Variants in ZMYM2 observed in about 807,000 individuals in gnomAD.
The protein encoded by ZMYM2 is zinc finger MYM-type protein 2.
A neutral mutation model predicts 162.8 loss-of-function variants in ZMYM2; 56 were observed. The ratio of observed to expected loss-of-function variants is 0.34; its 90% CI spans 0.28 to 0.43. The LOEUF (loss-of-function observed/expected upper bound fraction) is 0.43, where lower values mean the gene tolerates loss of function less well. Ranked by LOEUF, ZMYM2 falls within the 20% of genes least tolerant of loss-of-function variation. ZMYM2 has a pLI of 1.00. For missense variants in ZMYM2, 1,275 were observed against 1,621.8 expected (o/e 0.79, Z 3.67); for synonymous variants, 510 against 541.6 (o/e 0.94, Z 0.81).
At chr13:19,924,016 C>T in the ZMYM2 span, among the ~76,000 whole-genome samples, 135 of 152,180 alleles carry the variant, frequency 8.9e-4, no homozygotes, top group African/African-American at 3.2e-3. Flanking sequence ...CTGTGCCCGA[C>T]CATGGGACCT....
Position 20,036,840 on chromosome 13 carries a change from A to G in ZMYM2, c.2223A>G (p.Glu741=). 1.2e-6 allele frequency: 2 copies of G among 1,610,758 alleles called. No homozygotes were observed. The highest frequency in any genetic ancestry group is 1.7e-6 in the Non-Finnish European group (2 of 1,178,418). The stretch of plus-strand genomic sequence containing the variant: ...TATGTAAGAAGGGAGCAACTAAAGA[A>G]CTCGATGGTGTTGTGAGAGATTTCT... The part of the protein sequence containing the change: ...SQLCKKGATK[E]LDGVVRDFCS... The change falls in exon 12 of 25, where the codon GAA becomes GAG. Residue 741 remains glutamate (E), a synonymous_variant. Transcript: ENST00000610343.
At chr13:19,865,128 T>A in the ZMYM2 span, 5 of 152,274 alleles carry the variant, frequency 3.3e-5, no homozygotes, top group Non-Finnish European at 7.3e-5. Context: ...AACCATCTAA[T>A]GCAGGGGTGG....
chr13:20,074,237 T>TGTGTGTGTGTGTGTGAGA (rs1491090474), intron 21 of ZMYM2, among the ~76,000 whole-genome samples: 6 of 127,464 alleles, frequency 4.7e-5, no homozygotes, highest in African/African-American at 1.6e-4. Flanking sequence ...TGTGTGTGTG[T>TGTGTGTGTGTGTGTGAGA]GAGAGAGACA....
chr13:19,885,907 A>G, the ZMYM2 span, among the ~76,000 whole-genome samples: 13,125 of 29,520 alleles, frequency 0.44, 5,527 homozygotes, highest in Non-Finnish European at 0.81. Flanking sequence ...ACACATATAT[A>G]TGTATATACA....
intron 12 of ZMYM2, among the ~76,000 whole-genome samples, chr13:20,050,677 G>A (rs1278968951): frequency 2.0e-5 from 3 of 151,974 alleles, no homozygotes; most frequent in Admixed American, 1.3e-4. Context: ...GGGAAATTAG[G>A]ATCTCTAAAA....
chr13:19,998,558 A>G (rs958668982), intron 3 of ZMYM2, among the ~76,000 whole-genome samples: 12 of 152,162 alleles, frequency 7.9e-5, no homozygotes, highest in African/African-American at 2.4e-5. Context: ...CAGTTCTTCT[A>G]GTGACTTTCT....
chr13:19,960,384 G>T (rs1955071226), intron 2 of ZMYM2, among the ~76,000 whole-genome samples: 1 of 152,318 alleles, frequency 6.6e-6, no homozygotes, highest in Non-Finnish European at 1.5e-5. Context: ...TGAATGCTGT[G>T]CATGCAACCT....
chr13:19,968,618 T>G (rs2139220035), intron 2 of ZMYM2, among the ~76,000 whole-genome samples: 1 of 152,320 alleles, frequency 6.6e-6, no homozygotes, highest in Non-Finnish European at 1.5e-5. Flanking sequence ...CATCTTTAGC[T>G]CTTACTATGC....
chr13:20,028,247 A>G (rs2140273263), intron 9 of ZMYM2, among the ~76,000 whole-genome samples: 1 of 152,324 alleles, frequency 6.6e-6, no homozygotes, highest in East Asian at 1.9e-4. Context: ...TTAACTTGTT[A>G]TTTCAGAAGT....
chr13:20,003,658 A>T (rs1950547165), intron 4 of ZMYM2, among the ~76,000 whole-genome samples: 1 of 148,230 alleles, frequency 6.7e-6, no homozygotes, highest in African/African-American at 2.5e-5. Flanking sequence ...TTTTAGGCAG[A>T]GTCTCATTCT....
At chr13:20,002,798 G>A in intron 3 of ZMYM2, 52 bp from the exon 4 acceptor site, 2 of 1,579,702 alleles carry the variant, frequency 1.3e-6, no homozygotes, top group Non-Finnish European at 1.7e-6. Flanking sequence ...ATTTTAATAT[G>A]TATAAACAAA....
the ZMYM2 span, among the ~76,000 whole-genome samples, chr13:19,940,155 T>C: frequency 6.6e-6 from 1 of 152,194 alleles, no homozygotes; most frequent in Non-Finnish European, 1.5e-5. Flanking sequence ...AAGGCTCCCA[T>C]TGATGTCTAA....
intron 12 of ZMYM2, among the ~76,000 whole-genome samples, chr13:20,041,866 A>C (rs1954280855): frequency 6.6e-6 from 1 of 151,460 alleles, no homozygotes; most frequent in African/African-American, 2.4e-5. Context: ...ATTAAAAAAA[A>C]AGGGTTGAAT....
At chr13:20,072,752 A>G (rs1478964563) in intron 21 of ZMYM2, among the ~76,000 whole-genome samples, 2 of 151,672 alleles carry the variant, frequency 1.3e-5, no homozygotes, top group East Asian at 3.9e-4. Context: ...AACTGTTTAG[A>G]TTTCCTGTTT....
At chr13:19,906,301 T>TATATAC in the ZMYM2 span, among the ~76,000 whole-genome samples, 1 of 120,248 alleles carries the variant, frequency 8.3e-6, no homozygotes, top group Non-Finnish European at 1.7e-5. Flanking sequence ...TATATATATA[T>TATATAC]ATATATATAT....
rs1201058409 is a variant in ZMYM2 at position 19,993,923 on chromosome 13, A to G, written c.847+4A>G. On this transcript the variant is annotated splice_donor_region_variant and intron_variant, in intron 3 of 24. Transcript: ENST00000610343. The stretch of plus-strand genomic sequence containing the variant: ...TCTGCAACTCATCATAATCCTGGTA[A>G]GCAGTAAGAGATACTCTACTTCATG... The G allele has an allele frequency of 6.2e-7, 1 of 1,603,332 alleles. No individual in the cohort carries two copies. The highest frequency in any genetic ancestry group is 8.5e-7 in the Non-Finnish European group (1 of 1,176,352).
At chr13:20,055,969 A>G (rs1955764407) in intron 14 of ZMYM2, among the ~76,000 whole-genome samples, 1 of 152,202 alleles carries the variant, frequency 6.6e-6, no homozygotes. Flanking sequence ...TCAAGATACT[A>G]TGGAAGAATA....
chr13:19,910,040 C>T, the ZMYM2 span, among the ~76,000 whole-genome samples: 1 of 131,352 alleles, frequency 7.6e-6, no homozygotes, highest in African/African-American at 2.7e-5. Flanking sequence ...ATGGTGAAAC[C>T]CCCATCTCTA....
At chr13:19,902,464 A>C in the ZMYM2 span, among the ~76,000 whole-genome samples, 2 of 151,986 alleles carry the variant, frequency 1.3e-5, no homozygotes, top group African/African-American at 4.8e-5. Flanking sequence ...TAAAAATACA[A>C]AATTAGTTGG....
Sources: allele counts gnomAD v4.1 joint callset (sites outside exome capture counted in the v4.1 genomes callset), GRCh38; gene constraint gnomAD v4.1.1; transcripts MANE v1.5; gene names NCBI Gene and HGNC (gene_info 2026-07-23, HGNC 2026-07-21).